The following BMP6 variants were observed in gnomAD, a reference collection of about 807,000 sequenced individuals.
BMP6 encodes the protein bone morphogenetic protein 6, also known as VG-1-R.
In BMP6, 17 loss-of-function variants were observed where a neutral mutation model predicts 54.1. The observed-to-expected ratio is 0.31, with a 90% CI of 0.22 to 0.47. The LOEUF (loss-of-function observed/expected upper bound fraction) is 0.47, where lower values mean the gene tolerates loss of function less well. Ranked by LOEUF, BMP6 falls within the 20% of genes least tolerant of loss-of-function variation. The probability of loss-of-function intolerance (pLI) is 1.00; values close to 1 mark genes in which losing one functional copy is unlikely to be tolerated. For missense variants in BMP6, 720 were observed against 690.4 expected (o/e 1.04, Z -0.48); for synonymous variants, 328 against 291.2 (o/e 1.13, Z -1.28).
intron 1 of BMP6, among the ~76,000 whole-genome samples, chr6:7,736,677 CAG>C (rs897649756): frequency 3.9e-5 from 6 of 152,176 alleles, no homozygotes; most frequent in African/African-American, 9.7e-5. Flanking sequence ...ATAATGGAGA[CAG>C]AAATGTGGTA....
At chr6:7,874,355 C>T (rs189065184) in intron 4 of BMP6, among the ~76,000 whole-genome samples, 32 of 152,328 alleles carry the variant, frequency 2.1e-4, no homozygotes, top group African/African-American at 7.5e-4. Flanking sequence ...AAGCAGGCTG[C>T]TTCCTCAGGG....
At chr6:7,875,137 G>A (rs143012104) in intron 4 of BMP6, among the ~76,000 whole-genome samples, 2 of 152,222 alleles carry the variant, frequency 1.3e-5, no homozygotes, top group Non-Finnish European at 2.9e-5. Flanking sequence ...GGGGAGGGCT[G>A]CTGGTATAAG....
chr6:7,860,825 G>A (rs1759321075), intron 2 of BMP6, among the ~76,000 whole-genome samples: 1 of 152,140 alleles, frequency 6.6e-6, no homozygotes, highest in South Asian at 2.1e-4. Flanking sequence ...AGGAACAAAC[G>A]AGAAGATTTT....
rs1759346526 is a variant in BMP6 at position 7,862,289 on chromosome 6, T to C, written c.1007-12T>C. The C allele has an allele frequency of 6.2e-7, 1 of 1,613,886 alleles. No homozygotes were observed. The highest frequency in any genetic ancestry group is 8.5e-7 in the Non-Finnish European group (1 of 1,179,836). ...TGGAATAAAGAGATGCATGCTTTGATTTGCATTAAAGGAGTCCACGTCCAC... is the reference window on the plus strand; with the variant it reads ...TGGAATAAAGAGATGCATGCTTTGACTTGCATTAAAGGAGTCCACGTCCAC... On this transcript the variant is annotated splice_polypyrimidine_tract_variant and intron_variant, in intron 3 of 6. Transcript: ENST00000283147.
intron 1 of BMP6, among the ~76,000 whole-genome samples, chr6:7,731,710 T>C (rs1183770834): frequency 6.6e-6 from 1 of 152,256 alleles, no homozygotes; most frequent in East Asian, 1.9e-4. Flanking sequence ...GTAAAATGTT[T>C]ACAGTGAAGA....
chr6:7,786,089 A>G (rs1758015457), intron 1 of BMP6, among the ~76,000 whole-genome samples: 1 of 152,216 alleles, frequency 6.6e-6, no homozygotes, highest in South Asian at 2.1e-4. Flanking sequence ...GAGGGAAAGC[A>G]CGTACACGCG....
intron 1 of BMP6, among the ~76,000 whole-genome samples, chr6:7,755,200 G>A (rs1432463441): frequency 3.3e-5 from 5 of 152,114 alleles, no homozygotes; most frequent in Non-Finnish European, 4.4e-5. Flanking sequence ...ATGTGTCTGG[G>A]TGTAAATCTA....
In BMP6 at chr6:7,736,991, C is replaced by T. The variant is rs75686372; in HGVS notation, c.664+9372C>T. The stretch of plus-strand genomic sequence containing the variant: ...TCACTTGAGGTCAGGAGTTCAAGAC[C>T]GGCCTGGCCAACATGGCAAAACCCT... On this transcript the variant is annotated intron_variant, in intron 1 of 6. Transcript: ENST00000283147. 6.0e-3 allele frequency among the ~76,000 whole-genome samples: 918 copies of T among 152,222 alleles called. 18 individuals carry two copies. The highest frequency in any genetic ancestry group is 0.05 in the East Asian group (257 of 5,172).
intron 1 of BMP6, among the ~76,000 whole-genome samples, chr6:7,834,284 C>A (rs532007465): frequency 3.6e-5 from 5 of 139,160 alleles, no homozygotes; most frequent in Admixed American, 1.5e-4. Context: ...AATCTTCAAA[C>A]ACACAAGGAA....
In BMP6 at chr6:7,807,144, C is replaced by T. The variant is rs572090288; in HGVS notation, c.665-37996C>T. Among the ~76,000 whole-genome samples the T allele has an allele frequency of 5.9e-5, 9 of 152,242 alleles. No individual in the cohort carries two copies. In the East Asian group the frequency reaches 1.5e-3, roughly 26 times the overall value. On this transcript the variant is annotated intron_variant, in intron 1 of 6. Coordinates refer to ENST00000283147, the MANE Select transcript of BMP6 (RefSeq NM_001718.6). ...GTAATACTCTCCTTATGATTGTGGT[C>T]GGGGAAGAGAATGGTGCCCCACAGG... is the stretch of plus-strand genomic sequence containing the variant.
chr6:7,757,522 T>C (rs1372937986), intron 1 of BMP6, among the ~76,000 whole-genome samples: 1 of 152,216 alleles, frequency 6.6e-6, no homozygotes, highest in Non-Finnish European at 1.5e-5. Context: ...GACCTCATCT[T>C]AATTATATCA....
intron 4 of BMP6, among the ~76,000 whole-genome samples, chr6:7,878,541 C>T (rs759540584): frequency 2.0e-5 from 3 of 152,222 alleles, no homozygotes; most frequent in African/African-American, 7.2e-5. Context: ...GAGAGCATTG[C>T]CCCTGCGTGG....
At chr6:7,853,358 A>G (rs267201) in intron 2 of BMP6, among the ~76,000 whole-genome samples, 59,764 of 151,992 alleles carry the variant, frequency 0.39, 12,533 homozygotes, top group East Asian at 0.77. Flanking sequence ...TGATTCAGTA[A>G]TGAAATGGCA....
At chr6:7,813,148 TAA>T (rs1554122665) in intron 1 of BMP6, among the ~76,000 whole-genome samples, 2 of 94,280 alleles carry the variant, frequency 2.1e-5, no homozygotes, top group African/African-American at 8.5e-5. Context: ...TATATATATA[TAA>T]AATTAGTGGG....
rs369329556 is a variant in BMP6 at position 7,804,579 on chromosome 6, A to G, written c.665-40561A>G. Among the ~76,000 whole-genome samples the G allele has an allele frequency of 3.3e-5, 5 of 152,328 alleles. 1 individual carries two copies. Among genetic ancestry groups the G allele is most frequent in the Non-Finnish European group, 1.5e-5 (1 of 68,022 alleles). On this transcript the variant is annotated intron_variant, in intron 1 of 6. Coordinates refer to ENST00000283147, the MANE Select transcript of BMP6 (RefSeq NM_001718.6). ...GATGAAGATTTTAGAACCCGAAGAC[A>G]CATGGGTAATGCTGGAAGTCTTTTT...
At chr6:7,757,605 T>C (rs1053947039) in intron 1 of BMP6, among the ~76,000 whole-genome samples, 6 of 152,314 alleles carry the variant, frequency 3.9e-5, no homozygotes, top group Admixed American at 2.0e-4. Flanking sequence ...GGGGACACTA[T>C]TCAACCTAGT....
intron 1 of BMP6, among the ~76,000 whole-genome samples, chr6:7,737,104 T>C (rs1044988288): frequency 8.6e-5 from 13 of 151,774 alleles, no homozygotes; most frequent in African/African-American, 3.1e-4. Context: ...GAGAATCGCT[T>C]GAACCCGGGA....
At chr6:7,851,620 A>G (rs1473548754) in intron 2 of BMP6, among the ~76,000 whole-genome samples, 1 of 152,032 alleles carries the variant, frequency 6.6e-6, no homozygotes, top group African/African-American at 2.4e-5. Context: ...CAATGTTGAA[A>G]TTGTTCAGAT....
Position 7,727,247 on chromosome 6 carries a change from G to T in BMP6, c.292G>T (p.Gly98Cys), listed in dbSNP as rs1012098266. The T allele has an allele frequency of 6.2e-7, 1 of 1,606,250 alleles. No individual in the cohort carries two copies. The highest frequency in any genetic ancestry group is 8.5e-7 in the Non-Finnish European group (1 of 1,177,034). Reference protein sequence around the residue: ...GLPHRPRPLHGLQQPQPPALR... With the variant: ...GLPHRPRPLHCLQQPQPPALR... Reference sequence around the variant, plus strand: ...CCCGCACCGGCCCCGGCCCCTGCACGGCCTCCAACAGCCGCAGCCCCCGGC... The same window carrying T: ...CCCGCACCGGCCCCGGCCCCTGCACTGCCTCCAACAGCCGCAGCCCCCGGC... Residue 98 changes from glycine (G) to cysteine (C), a missense_variant, in exon 1 of 7, where the codon GGC (glycine) becomes TGC (cysteine). Transcript: ENST00000283147.
Sources: allele counts gnomAD v4.1 joint callset (sites outside exome capture counted in the v4.1 genomes callset), GRCh38; gene constraint gnomAD v4.1.1; transcripts MANE v1.5; gene names NCBI Gene and HGNC (gene_info 2026-07-23, HGNC 2026-07-21).